The following KIF16B variants were observed in gnomAD, a reference collection of about 807,000 sequenced individuals.
KIF16B encodes kinesin family member 16B.
Under a neutral mutation model 156.3 loss-of-function variants are expected in KIF16B, and 98 were observed. That is an observed-to-expected ratio of 0.63 (90% CI 0.53 to 0.74). The LOEUF (loss-of-function observed/expected upper bound fraction) is 0.74, where lower values mean the gene tolerates loss of function less well. Ranked by LOEUF, KIF16B falls within the 30% of genes least tolerant of loss-of-function variation. The pLI is 0.00. For synonymous variants in KIF16B, 564 were observed against 583.7 expected, an observed-to-expected ratio of 0.97 and a Z score of 0.49; for missense variants, 1,421 against 1,606.5, an observed-to-expected ratio of 0.88 and a Z score of 1.97.
intron 12 of KIF16B, among the ~76,000 whole-genome samples, chr20:16,434,683 A>C (rs2066596951): frequency 6.6e-6 from 1 of 152,224 alleles, no homozygotes; most frequent in South Asian, 2.1e-4. Flanking sequence ...GTAGTCACTC[A>C]GTAAGTGCTG....
At chr20:16,363,199 G>A (rs1404519478) in intron 22 of KIF16B, among the ~76,000 whole-genome samples, 2 of 152,164 alleles carry the variant, frequency 1.3e-5, no homozygotes, top group Admixed American at 6.5e-5. Context: ...AGGGTGCCAC[G>A]GATGAACAGA....
intron 25 of KIF16B, among the ~76,000 whole-genome samples, chr20:16,289,822 C>A (rs2063287197): frequency 6.6e-6 from 1 of 152,208 alleles, no homozygotes; most frequent in Non-Finnish European, 1.5e-5. Context: ...ACCTGGGTGA[C>A]AGAGCCAGAC....
intron 15 of KIF16B, among the ~76,000 whole-genome samples, chr20:16,416,629 T>C (rs2066094350): frequency 1.3e-5 from 2 of 151,836 alleles, no homozygotes; most frequent in Non-Finnish European, 2.9e-5. Flanking sequence ...ATGCCATTAA[T>C]ACCTAGGTGA....
intron 23 of KIF16B, among the ~76,000 whole-genome samples, chr20:16,344,831 T>C (rs2097983274): frequency 6.6e-6 from 1 of 152,216 alleles, no homozygotes; most frequent in Non-Finnish European, 1.5e-5. Flanking sequence ...CTGAGATGAT[T>C]AGAGTCACCT....
chr20:16,570,109 A>G lies in KIF16B; in HGVS notation c.47+3120T>C, dbSNP rs75776258. ...TCAACACCCTCTTTTTAAGACTTGCATAATAATCCACCAAATGATTTACGC... is the reference window on the plus strand; with the variant it reads ...TCAACACCCTCTTTTTAAGACTTGCGTAATAATCCACCAAATGATTTACGC... On this transcript the variant is annotated intron_variant, in intron 1 of 25. Transcript: ENST00000354981. Among the ~76,000 whole-genome samples the G allele has an allele frequency of 4.6e-5, 7 of 152,354 alleles. No individual in the cohort carries two copies. In the East Asian group the frequency reaches 1.3e-3, roughly 29 times the overall value.
At chr20:16,504,661 T>C in intron 9 of KIF16B, 114 bp from the exon 10 acceptor site, 1 of 754,228 alleles carries the variant, frequency 1.3e-6, no homozygotes, top group East Asian at 2.5e-5. Flanking sequence ...AGAGACTAAA[T>C]ATTCATTGCC....
rs141618118 is a variant in KIF16B, at chr20:16,380,007, G to T, written c.1995C>A (p.Ile665=). The change falls in exon 19 of 26, where the codon ATC becomes ATA. Residue 665 remains isoleucine, a synonymous_variant. Coordinates refer to ENST00000354981, the MANE Select transcript of KIF16B (RefSeq NM_024704.5). The part of the protein sequence containing the change: ...EESLKRRSFH[I]ENKLKDLLAE... Reference sequence around the variant, plus strand: ...CAAGTAAATCCTTTAGCTTGTTCTCGATGTGGAAGCTGCGGCGTTTGAGGC... The same window carrying T: ...CAAGTAAATCCTTTAGCTTGTTCTCTATGTGGAAGCTGCGGCGTTTGAGGC... 1 of 1,604,284 alleles carries T rather than the reference G, an allele frequency of 6.2e-7. No homozygotes were observed. Among genetic ancestry groups the T allele is most frequent in the East Asian group, 2.2e-5 (1 of 44,814 alleles).
chr20:16,381,571 A>T, intron 18 of KIF16B, 123 bp downstream of exon 18: 2 of 579,582 alleles, frequency 3.5e-6, no homozygotes, highest in Non-Finnish European at 5.6e-6. Context: ...ACATGTAAAT[A>T]ACAGATAACA....
At chr20:16,295,365 A>G (rs2063369272) in intron 25 of KIF16B, among the ~76,000 whole-genome samples, 1 of 152,132 alleles carries the variant, frequency 6.6e-6, no homozygotes, top group Non-Finnish European at 1.5e-5. Flanking sequence ...CTGCATAACA[A>G]TTCTATCTAG....
chr20:16,455,631 T>C (rs1366020410), intron 12 of KIF16B, among the ~76,000 whole-genome samples: 1 of 152,148 alleles, frequency 6.6e-6, no homozygotes, highest in Non-Finnish European at 1.5e-5. Flanking sequence ...TTACTTCCAT[T>C]CTAGGTCCAA....
intron 11 of KIF16B, among the ~76,000 whole-genome samples, chr20:16,496,346 C>A (rs1246664499): frequency 6.6e-6 from 1 of 152,216 alleles, no homozygotes; most frequent in Non-Finnish European, 1.5e-5. Context: ...CAAATCAATC[C>A]TGTTTGAATT....
chr20:16,344,553 C>A (rs1051279990), intron 23 of KIF16B, among the ~76,000 whole-genome samples: 1 of 152,198 alleles, frequency 6.6e-6, no homozygotes, highest in African/African-American at 2.4e-5. Flanking sequence ...GAGACCAGCA[C>A]CTCCAAATCC....
At chr20:16,276,480 C>T (rs1177705252) in intron 25 of KIF16B, among the ~76,000 whole-genome samples, 7 of 152,202 alleles carry the variant, frequency 4.6e-5, no homozygotes, top group African/African-American at 1.2e-4. Flanking sequence ...GTTTTCTCTT[C>T]GCAAAACAAA....
At chr20:16,481,986 G>C (rs562148886) in intron 12 of KIF16B, among the ~76,000 whole-genome samples, 17 of 152,202 alleles carry the variant, frequency 1.1e-4, no homozygotes, top group African/African-American at 4.1e-4. Context: ...GTGAGGTTCT[G>C]GGGAACAGAA....
At chr20:16,552,519 C>G (rs958131404) in intron 1 of KIF16B, among the ~76,000 whole-genome samples, 20 of 152,140 alleles carry the variant, frequency 1.3e-4, no homozygotes, top group Admixed American at 1.3e-3. Context: ...TCTCCAAGTA[C>G]CCTTCCTGAT....
chr20:16,330,834 T>C (rs553974340), intron 24 of KIF16B, among the ~76,000 whole-genome samples: 2 of 152,216 alleles, frequency 1.3e-5, no homozygotes, highest in Non-Finnish European at 2.9e-5. Flanking sequence ...ATTCTGCCTA[T>C]GGAGTTGTTA....
intron 12 of KIF16B, among the ~76,000 whole-genome samples, chr20:16,444,140 C>A (rs563622525): frequency 7.9e-5 from 12 of 152,332 alleles, no homozygotes; most frequent in African/African-American, 2.6e-4. Flanking sequence ...AATCTCACAT[C>A]TTTCATTAGT....
rs534274555 is a variant in KIF16B at position 16,559,807 on chromosome 20, T to C, written c.47+13422A>G. ...AAAAAAAAAATGCTTTACATGATAA[T>C]AAAATGAATTTTGTTATCTTGGACT... On this transcript the variant is annotated intron_variant, in intron 1 of 25. Transcript: ENST00000354981. Among the ~76,000 whole-genome samples the C allele has an allele frequency of 3.3e-5, 5 of 152,096 alleles. No homozygotes were observed. The East Asian group carries it at 5.8e-4, about 18-fold the overall frequency.
intron 23 of KIF16B, among the ~76,000 whole-genome samples, chr20:16,347,206 A>G (rs1324352980): frequency 6.6e-6 from 1 of 152,218 alleles, no homozygotes; most frequent in Non-Finnish European, 1.5e-5. Context: ...GCGTTATATT[A>G]TTCATTACTG....
Sources: gnomAD v4.1 joint callset for allele counts (sites outside exome capture counted in the v4.1 genomes callset) on GRCh38, gnomAD v4.1.1 for gene constraint, MANE v1.5 for transcripts, NCBI Gene and HGNC (gene_info 2026-07-23, HGNC 2026-07-21) for gene names.